HEPACAM: variants seen among roughly 807,000 people sequenced by gnomAD.
The protein encoded by HEPACAM is hepatocyte cell adhesion molecule.
Under a neutral mutation model 38.3 loss-of-function variants are expected in HEPACAM, and 18 were observed. The ratio of observed to expected loss-of-function variants is 0.47; its 90% CI spans 0.33 to 0.70. The LOEUF is 0.70. Among genes scored for constraint, HEPACAM ranks in the 30% least tolerant of loss-of-function variants. The pLI, the probability that HEPACAM is intolerant of heterozygous loss-of-function variation, is 0.03. For synonymous variants in HEPACAM, 216 were observed against 243.1 expected, an observed-to-expected ratio of 0.89 and a Z score of 1.04; for missense variants, 466 against 563.0, an observed-to-expected ratio of 0.83 and a Z score of 1.74.
rs946428021 is a variant in HEPACAM, at chr11:124,924,480, C to T, written c.427+248G>A. ...ATTAGGATAATGATATGAACTATCA[C>T]CAGACTATTATAAGCATTAAATGAG... On this transcript the variant is annotated intron_variant, in intron 2 of 6. Transcript: ENST00000298251. This position sits in a 1 kb window ranked among gnomAD's most constrained non-coding sequence, Gnocchi z 4.4. The T allele has an allele frequency of 5.3e-6, 3 of 568,840 alleles. No individual in the cohort carries two copies. In the African/African-American group the frequency reaches 5.6e-5, roughly 11 times the overall value. 35.2% of individuals were successfully genotyped at this position (568,840 alleles called of 1,614,324 possible).
intron 1 of HEPACAM, among the ~76,000 whole-genome samples, chr11:124,929,881 A>G (rs1947261949): frequency 6.6e-6 from 1 of 152,224 alleles, no homozygotes; most frequent in African/African-American, 2.4e-5. Flanking sequence ...TTGCTGGGCC[A>G]AAGTTTCCTT....
chr11:124,921,009 C>G lies in HEPACAM; in HGVS notation c.*129G>C, dbSNP rs562331824. On this transcript the variant is annotated 3_prime_UTR_variant, in exon 7 of 7. Transcript: ENST00000298251. This position sits in a 1 kb window ranked among gnomAD's most constrained non-coding sequence, Gnocchi z 4.6. The stretch of plus-strand genomic sequence containing the variant: ...GCGCATGCTCATACACGTTCACACC[C>G]GAGACACCAGCGCCCCCCCGGGACC... The G allele has an allele frequency of 2.6e-5, 36 of 1,404,196 alleles. No homozygotes were observed. In the African/African-American group the frequency reaches 4.4e-4, roughly 17 times the overall value. The allele number at this position is 1,404,196 out of a possible 1,614,324, so 87.0% of individuals were successfully genotyped here. A position where few individuals can be genotyped will look rare whatever the true frequency, so the allele number is the denominator to read the frequency against.
chr11:124,926,190 A>G (rs1268158364), intron 1 of HEPACAM, among the ~76,000 whole-genome samples: 1 of 152,216 alleles, frequency 6.6e-6, no homozygotes, highest in East Asian at 1.9e-4. Flanking sequence ...TGACAGAGGA[A>G]GACTCCATCT....
intron 6 of HEPACAM, 22 bp downstream of exon 6, chr11:124,922,366 C>T: frequency 1.2e-6 from 2 of 1,610,796 alleles, no homozygotes; most frequent in South Asian, 2.2e-5. Flanking sequence ...TGTTTCTGGG[C>T]ACCCAGTCCA....
At chr11:124,929,064 A>G (rs976078567) in intron 1 of HEPACAM, among the ~76,000 whole-genome samples, 9 of 152,170 alleles carry the variant, frequency 5.9e-5, no homozygotes, top group African/African-American at 2.2e-4. Context: ...CTCAAAAACA[A>G]GTGGAAGGGA....
Position 124,924,881 on chromosome 11 carries a change from G to T in HEPACAM, c.274C>A (p.Arg92=). ...CGGATACGGTCTCGATAGTCAGGCCGCAGGGTGCCGATGACCTCTGTGCCA... is the reference window on the plus strand; with the variant it reads ...CGGATACGGTCTCGATAGTCAGGCCTCAGGGTGCCGATGACCTCTGTGCCA... ...SIGTEVIGTL[R]PDYRDRIRLF... Residue 92 remains arginine, a synonymous_variant, in exon 2 of 7, where the codon CGG becomes AGG. Coordinates refer to ENST00000298251, the MANE Select transcript of HEPACAM (RefSeq NM_152722.5). This position sits in a 1 kb window ranked among gnomAD's most constrained non-coding sequence, Gnocchi z 4.4. The T allele has an allele frequency of 6.2e-7, 1 of 1,614,170 alleles. No individual in the cohort carries two copies. Among genetic ancestry groups the T allele is most frequent in the Non-Finnish European group, 8.5e-7 (1 of 1,180,022 alleles).
Position 124,920,748 on chromosome 11 carries a change from G to A in HEPACAM, c.*390C>T. ...CAGGCATTTGTTCAGAGGGAAGGGTGGTGGGTGGGAAACAACACAGCTCCC... is the reference window on the plus strand; with the variant it reads ...CAGGCATTTGTTCAGAGGGAAGGGTAGTGGGTGGGAAACAACACAGCTCCC... On this transcript the variant is annotated 3_prime_UTR_variant, in exon 7 of 7. Coordinates refer to ENST00000298251, the MANE Select transcript of HEPACAM (RefSeq NM_152722.5). The A allele has an allele frequency of 2.8e-6, 3 of 1,069,896 alleles. No individual in the cohort carries two copies. Among genetic ancestry groups the A allele is most frequent in the East Asian group, 6.8e-5 (1 of 14,694 alleles). The allele number at this position is 1,069,896 out of a possible 1,614,324, so 66.3% of individuals were successfully genotyped here.
intron 1 of HEPACAM, among the ~76,000 whole-genome samples, chr11:124,929,465 T>C (rs1478211696): frequency 6.6e-6 from 1 of 152,126 alleles, no homozygotes; most frequent in African/African-American, 2.4e-5. Context: ...GTTCCACAAC[T>C]TTCAAGGGAC....
chr11:124,934,184 C>G (rs926261919), intron 1 of HEPACAM, among the ~76,000 whole-genome samples: 1 of 152,132 alleles, frequency 6.6e-6, no homozygotes, highest in Non-Finnish European at 1.5e-5. Context: ...CAGCAATCCT[C>G]CTTCCCTTCC....
intron 1 of HEPACAM, among the ~76,000 whole-genome samples, chr11:124,935,112 G>A (rs1484046225): frequency 6.6e-6 from 1 of 152,014 alleles, no homozygotes; most frequent in Non-Finnish European, 1.5e-5. Flanking sequence ...ACCTCCCCCT[G>A]ATATTCCCAC....
chr11:124,933,183 T>G (rs1395624037), intron 1 of HEPACAM, among the ~76,000 whole-genome samples: 1 of 152,086 alleles, frequency 6.6e-6, no homozygotes, highest in Non-Finnish European at 1.5e-5. Flanking sequence ...CATTATAATT[T>G]TTTTTTTTGA....
chr11:124,927,459 C>A (rs1283225030), intron 1 of HEPACAM, among the ~76,000 whole-genome samples: 1 of 151,154 alleles, frequency 6.6e-6, no homozygotes, highest in African/African-American at 2.4e-5. Flanking sequence ...CCTCCCACCT[C>A]AGCCTTCCAA....
In HEPACAM at chr11:124,919,580, A is replaced by G; in HGVS notation, c.*1558T>C. 1 of 657,984 alleles carries G rather than the reference A, an allele frequency of 1.5e-6. No individual in the cohort carries two copies. Among genetic ancestry groups the G allele is most frequent in the Non-Finnish European group, 2.6e-6 (1 of 388,084 alleles). 40.8% of individuals were successfully genotyped at this position (657,984 alleles called of 1,614,324 possible). A position where few individuals can be genotyped will look rare whatever the true frequency, so the allele number is the denominator to read the frequency against. On this transcript the variant is annotated 3_prime_UTR_variant, in exon 7 of 7. Transcript: ENST00000298251. ...TGCATTATCTCATTATGGATGAGGC[A>G]CCTGGGAAGTTTAGGGGAGCTGCGA...
In HEPACAM at chr11:124,920,630, T is replaced by C. The variant is rs911698533; in HGVS notation, c.*508A>G. On this transcript the variant is annotated 3_prime_UTR_variant, in exon 7 of 7. Coordinates refer to ENST00000298251, the MANE Select transcript of HEPACAM (RefSeq NM_152722.5). ...ACCGGCATCTGGCTTCTCCTTAGCT[T>C]AGTGCAGCTGTGGATTCTGGGAAAG... is the stretch of plus-strand genomic sequence containing the variant. The C allele has an allele frequency of 5.8e-6, 6 of 1,043,234 alleles. No homozygotes were observed. Among genetic ancestry groups the C allele is most frequent in the Non-Finnish European group, 6.9e-6 (6 of 865,294 alleles). The allele number at this position is 1,043,234 out of a possible 1,614,324, so 64.6% of individuals were successfully genotyped here.
In HEPACAM at chr11:124,919,720, CTG is replaced by C; in HGVS notation, c.*1416_*1417del. On this transcript the variant is annotated 3_prime_UTR_variant, in exon 7 of 7. Transcript: ENST00000298251. ...ACTAGAAATGTCAGTGCCTTTGGGGCTGAGACAAAACTTGACCTGGTGTGGAG... is the reference window on the plus strand; with the variant it reads ...ACTAGAAATGTCAGTGCCTTTGGGGCAGACAAAACTTGACCTGGTGTGGAG... The C allele has an allele frequency of 1.9e-6, 3 of 1,608,480 alleles. No homozygotes were observed.
chr11:124,935,993 C>G lies in HEPACAM; in HGVS notation c.14G>C (p.Arg5Thr), dbSNP rs1475281849. The change falls in exon 1 of 7, where the codon AGG (arginine) becomes ACG (threonine). Residue 5 changes from arginine to threonine, a missense_variant. Transcript: ENST00000298251. ...CCTGGAGGCTCTGGACAGGGCTCCC[C>G]TTTCTCTCTTCATTTTGGGTGGCGT... MKRE[R>T]GALSRASRAL... 5.0e-6 allele frequency: 8 copies of G among 1,613,868 alleles called. No homozygotes were observed. The African/African-American group carries it at 9.3e-5, about 19-fold the overall frequency.
chr11:124,927,988 C>T (rs1279856788), intron 1 of HEPACAM, among the ~76,000 whole-genome samples: 1 of 152,156 alleles, frequency 6.6e-6, no homozygotes. Context: ...TGCTGTTGAA[C>T]AAAAATCTTA....
At chr11:124,932,731 T>C (rs1375454532) in intron 1 of HEPACAM, among the ~76,000 whole-genome samples, 2 of 152,200 alleles carry the variant, frequency 1.3e-5, no homozygotes, top group African/African-American at 2.4e-5. Flanking sequence ...AGAGAACTAG[T>C]GCAAGTGATA....
At chr11:124,925,317 T>C (rs980779859) in intron 1 of HEPACAM, among the ~76,000 whole-genome samples, 5 of 152,254 alleles carry the variant, frequency 3.3e-5, no homozygotes, top group Admixed American at 6.5e-5. Context: ...CCTCTGCCTC[T>C]CTGGCACTTT....
Sources: allele counts gnomAD v4.1 joint callset (sites outside exome capture counted in the v4.1 genomes callset), GRCh38; gene constraint gnomAD v4.1.1; non-coding constraint Gnocchi (gnomAD v3.1); transcripts MANE v1.5; gene names NCBI Gene and HGNC (gene_info 2026-07-23, HGNC 2026-07-21).